DAB1: variants seen among roughly 807,000 people sequenced by gnomAD.
DAB1 encodes the protein disabled homolog 1.
DAB1 carries 15 observed loss-of-function variants against 64.6 expected under a neutral mutation model. That is an observed-to-expected ratio of 0.23 (90% confidence interval 0.16 to 0.36). The LOEUF (loss-of-function observed/expected upper bound fraction) is 0.36, where lower values mean the gene tolerates loss of function less well. Among genes scored for constraint, DAB1 ranks in the 10% least tolerant of loss-of-function variants. The probability of loss-of-function intolerance (pLI) is 1.00; values close to 1 mark genes in which losing one functional copy is unlikely to be tolerated. For synonymous variants in DAB1, 235 were observed against 251.9 expected (o/e 0.93, Z 0.64); for missense variants, 596 against 706.7 (o/e 0.84, Z 1.78).
chr1:57,938,605 G>A (rs997016513), intron 5 of DAB1, among the ~76,000 whole-genome samples: 1 of 152,136 alleles, frequency 6.6e-6, no homozygotes, highest in Non-Finnish European at 1.5e-5. Flanking sequence ...TAAGTTTCCT[G>A]AGGCCTCCCC....
intron 6 of DAB1, among the ~76,000 whole-genome samples, chr1:57,676,784 G>A (rs1015580459): frequency 5.9e-5 from 9 of 152,030 alleles, no homozygotes; most frequent in Non-Finnish European, 1.0e-4. Context: ...TATCTCCTCC[G>A]CTTGGAATGA....
At chr1:57,312,030 C>A (rs1558143649) in intron 1 of DAB1, among the ~76,000 whole-genome samples, 1 of 152,194 alleles carries the variant, frequency 6.6e-6, no homozygotes, top group Non-Finnish European at 1.5e-5. Flanking sequence ...GCGGAGGTAT[C>A]TAAAGTCCTT....
At chr1:57,842,579 C>T (rs1653104141) in intron 1 of DAB1, among the ~76,000 whole-genome samples, 1 of 152,070 alleles carries the variant, frequency 6.6e-6, no homozygotes, top group African/African-American at 2.4e-5. Context: ...GGGGAGGCCT[C>T]AGGAAACTTA....
intron 4 of DAB1, among the ~76,000 whole-genome samples, chr1:58,243,400 CTGATT>C (rs1213088975): frequency 6.6e-6 from 1 of 152,044 alleles, no homozygotes; most frequent in African/African-American, 2.4e-5. Context: ...GGTATTCATT[CTGATT>C]TAAGTCCGCC....
intron 7 of DAB1, among the ~76,000 whole-genome samples, chr1:57,560,167 G>A (rs1325678422): frequency 6.6e-6 from 1 of 152,214 alleles, no homozygotes; most frequent in Non-Finnish European, 1.5e-5. Flanking sequence ...GCCTTCAGCT[G>A]GCAAGGCCAG....
chr1:58,403,756 G>T (rs1251835337), intron 3 of DAB1, among the ~76,000 whole-genome samples: 3 of 152,146 alleles, frequency 2.0e-5, no homozygotes, highest in African/African-American at 7.2e-5. Context: ...GAGTGCTCAG[G>T]GTCCCATGCC....
chr1:57,264,005 T>G (rs1558049732), intron 2 of DAB1, among the ~76,000 whole-genome samples: 1 of 152,158 alleles, frequency 6.6e-6, no homozygotes, highest in Non-Finnish European at 1.5e-5. Flanking sequence ...CCTCCTGGTA[T>G]GGAAGGATGG....
At chr1:57,129,102 C>CA (rs879265917) in intron 4 of DAB1, among the ~76,000 whole-genome samples, 1 of 152,104 alleles carries the variant, frequency 6.6e-6, no homozygotes, top group Non-Finnish European at 1.5e-5. Flanking sequence ...AAAATACTAC[C>CA]ACCATACCTT....
rs1227948623 is a variant in DAB1 at position 58,254,837 on chromosome 1, A to C, written n.309+88515T>G. Among the ~76,000 whole-genome samples, 2 of 81,388 alleles carry C rather than the reference A, an allele frequency of 2.5e-5. 1 individual carries two copies. Among genetic ancestry groups the C allele is most frequent in the East Asian group, 1.1e-3 (2 of 1,826 alleles). 53.4% of individuals were successfully genotyped at this position (81,388 alleles called of 152,430 possible). A position where few individuals can be genotyped will look rare whatever the true frequency, so the allele number is the denominator to read the frequency against. On this transcript the variant is annotated intron_variant and non_coding_transcript_variant, in intron 4 of 20. Coordinates refer to the DAB1 transcript ENST00000485760. Reference sequence around the variant, plus strand: ...TTCCAAGTCTTTGCTATTGTGAATAATGCCGCAATAAACATACGTCTTTAT... The same window carrying C: ...TTCCAAGTCTTTGCTATTGTGAATACTGCCGCAATAAACATACGTCTTTAT...
chr1:57,485,761 A>T (rs1199206741), intron 7 of DAB1, among the ~76,000 whole-genome samples: 1 of 152,194 alleles, frequency 6.6e-6, no homozygotes, highest in Non-Finnish European at 1.5e-5. Context: ...AACACTTAGC[A>T]CTGGTGTAGA....
At chr1:58,221,127 C>T (rs1659148683) in intron 4 of DAB1, among the ~76,000 whole-genome samples, 1 of 151,622 alleles carries the variant, frequency 6.6e-6, no homozygotes, top group Non-Finnish European at 1.5e-5. Flanking sequence ...CACACACATA[C>T]ACACATGCAC....
intron 2 of DAB1, among the ~76,000 whole-genome samples, chr1:57,155,141 T>C (rs958372086): frequency 3.9e-5 from 6 of 152,246 alleles, no homozygotes; most frequent in East Asian, 1.9e-4. Flanking sequence ...TGTTTTCTTG[T>C]AGAAGTTTAA....
At chr1:58,325,911 G>C (rs1476875749) in intron 4 of DAB1, among the ~76,000 whole-genome samples, 1 of 152,186 alleles carries the variant, frequency 6.6e-6, no homozygotes, top group Admixed American at 6.5e-5. Context: ...CTGGCTGTGA[G>C]AGAAGAGATG....
At chr1:57,277,110 C>T (rs1286997294) in intron 2 of DAB1, among the ~76,000 whole-genome samples, 1 of 152,128 alleles carries the variant, frequency 6.6e-6, no homozygotes, top group Non-Finnish European at 1.5e-5. Context: ...TGCTAAAGTC[C>T]GCGATAGGCA....
intron 5 of DAB1, among the ~76,000 whole-genome samples, chr1:57,933,185 C>G (rs1199444349): frequency 6.6e-6 from 1 of 152,212 alleles, no homozygotes; most frequent in African/African-American, 2.4e-5. Flanking sequence ...AACAATTTAT[C>G]AATTACAATT....
At chr1:58,308,306 T>C (rs1662350516) in intron 4 of DAB1, among the ~76,000 whole-genome samples, 1 of 152,076 alleles carries the variant, frequency 6.6e-6, no homozygotes, top group Non-Finnish European at 1.5e-5. Flanking sequence ...TATTTACTCC[T>C]TTGGATGAAG....
chr1:58,544,891 G>A (rs1373614688), intron 1 of DAB1, among the ~76,000 whole-genome samples: 1 of 152,152 alleles, frequency 6.6e-6, no homozygotes. Context: ...ACCGCACCTG[G>A]CCAGCCCAGC....
At chr1:57,916,738 G>T (rs1644732694) in intron 5 of DAB1, among the ~76,000 whole-genome samples, 3 of 152,138 alleles carry the variant, frequency 2.0e-5, no homozygotes, top group Admixed American at 2.0e-4. Context: ...AGGAGTTCAA[G>T]ACCAGCCTGG....
chr1:58,051,521 T>C (rs1222671812), intron 5 of DAB1, among the ~76,000 whole-genome samples: 4 of 152,184 alleles, frequency 2.6e-5, no homozygotes, highest in Admixed American at 2.6e-4. Flanking sequence ...TGTGCATGTG[T>C]CTTTATAGTA....
Sources: gnomAD v4.1 joint callset for allele counts (sites outside exome capture counted in the v4.1 genomes callset) on GRCh38, gnomAD v4.1.1 for gene constraint, MANE v1.5 for transcripts, NCBI Gene and HGNC (gene_info 2026-07-23, HGNC 2026-07-21) for gene names.